The following RBBP6 variants were observed in gnomAD, a reference collection of about 807,000 sequenced individuals.
The protein encoded by RBBP6 is RB binding protein 6, ubiquitin ligase.
A neutral mutation model predicts 167.7 loss-of-function variants in RBBP6; 25 were observed. That is an observed-to-expected ratio of 0.15 (90% CI 0.11 to 0.21). RBBP6 has a LOEUF of 0.21. RBBP6 is among the 10% of genes least tolerant of loss of function. The pLI, the probability that RBBP6 is intolerant of heterozygous loss-of-function variation, is 1.00. For synonymous variants in RBBP6, 789 were observed against 735.8 expected (o/e 1.07, Z -1.17); for missense variants, 1,868 against 2,134.2 (o/e 0.88, Z 2.46).
At chr16:24,549,585 T>C (rs896667991) in intron 3 of RBBP6, among the ~76,000 whole-genome samples, 1 of 152,052 alleles carries the variant, frequency 6.6e-6, no homozygotes, top group Non-Finnish European at 1.5e-5. Flanking sequence ...CTTTATTATT[T>C]AGTCTTGCTT....
chr16:24,555,288 AT>A (rs2141464942), intron 4 of RBBP6: 1 of 179,128 alleles, frequency 5.6e-6, no homozygotes, highest in African/African-American at 2.4e-5. Flanking sequence ...CACTTGAATT[AT>A]TTTTAAAACA....
In RBBP6 at chr16:24,572,633, G is replaced by A; in HGVS notation, c.*188G>A. The A allele has an allele frequency of 1.2e-6, 1 of 803,784 alleles. No homozygotes were observed. Among genetic ancestry groups the A allele is most frequent in the Non-Finnish European group, 1.8e-6 (1 of 556,144 alleles). The allele number at this position is 803,784 out of a possible 1,614,324, so 49.8% of individuals were successfully genotyped here. Reference sequence around the variant, plus strand: ...CACGAACTTTTGTACAGAATTGTGAGTTGTGACCATGTAACATGAGAGGTT... The same window carrying A: ...CACGAACTTTTGTACAGAATTGTGAATTGTGACCATGTAACATGAGAGGTT... On this transcript the variant is annotated 3_prime_UTR_variant, in exon 18 of 18. Transcript: ENST00000319715.
chr16:24,556,281 C>G, intron 6 of RBBP6, 27 bp from the exon 7 acceptor site: 1 of 1,513,586 alleles, frequency 6.6e-7, no homozygotes, highest in Non-Finnish European at 9.1e-7. Flanking sequence ...TTCTCTTCCT[C>G]CTCCTCTTCC....
intron 3 of RBBP6, among the ~76,000 whole-genome samples, chr16:24,550,373 T>TTG (rs907400793): frequency 6.7e-6 from 1 of 149,200 alleles, no homozygotes; most frequent in African/African-American, 2.4e-5. Context: ...GTTTTTTTGT[T>TTG]TTTTTTTTTT....
intron 14 of RBBP6, among the ~76,000 whole-genome samples, chr16:24,565,228 C>A (rs1899164835): frequency 6.6e-6 from 1 of 152,142 alleles, no homozygotes; most frequent in Non-Finnish European, 1.5e-5. Context: ...AAGCTCAGCT[C>A]CCAACTGTGA....
rs1245135395 is a variant in RBBP6 at position 24,556,310 on chromosome 16, T to C, written c.537T>C (p.Asp179=). The change falls in exon 7 of 18, where the codon GAT becomes GAC. Residue 179 remains aspartate, a splice_region_variant and synonymous_variant. Transcript: ENST00000319715. ...CTCTTCCTTTTTCCTCTGAATAGGATAAAAACTTTGAATCTGGTCCTAGGA... is the reference window on the plus strand; with the variant it reads ...CTCTTCCTTTTTCCTCTGAATAGGACAAAAACTTTGAATCTGGTCCTAGGA... ...HYIKNCPTNG[D]KNFESGPRIK... The C allele has an allele frequency of 1.3e-6, 2 of 1,581,980 alleles. No individual in the cohort carries two copies. The highest frequency in any genetic ancestry group is 1.7e-6 in the Non-Finnish European group (2 of 1,152,062).
intron 11 of RBBP6, 52 bp from the exon 12 acceptor site, chr16:24,563,368 CTCT>C: frequency 6.9e-7 from 1 of 1,445,540 alleles, no homozygotes; most frequent in Non-Finnish European, 9.4e-7. Context: ...TTGTTCTTAC[CTCT>C]TTTTTTTTTT....
chr16:24,570,222 C>G lies in RBBP6; in HGVS notation c.3532C>G (p.Pro1178Ala). 1 of 1,612,694 alleles carries G rather than the reference C, an allele frequency of 6.2e-7. No homozygotes were observed. Among genetic ancestry groups the G allele is most frequent in the Non-Finnish European group, 8.5e-7 (1 of 1,179,722 alleles). ...ACTAGAAGTGACTGAAATAGTGAAA[C>G]CATCACCAAAGCGCAAAATGGAACC... ...SKLEVTEIVK[P>A]SPKRKMEPDT... Residue 1178 changes from proline to alanine, a missense_variant, in exon 17 of 18, where the codon CCA becomes GCA. By Grantham distance (27) the Pro-to-Ala change is conservative. Around this residue, in one of 7 missense-constraint regions of RBBP6, gnomAD observed 673 missense variants for 691.5 expected, o/e 0.97. Coordinates refer to ENST00000319715, the MANE Select transcript of RBBP6 (RefSeq NM_006910.5).
At chr16:24,561,242 C>T (rs1899046806) in intron 8 of RBBP6, among the ~76,000 whole-genome samples, 1 of 151,346 alleles carries the variant, frequency 6.6e-6, no homozygotes, top group African/African-American at 2.4e-5. Flanking sequence ...GCTCTCAATT[C>T]AGACATTTGT....
Position 24,555,695 on chromosome 16 carries a change from C to T in RBBP6, c.429C>T (p.Asp143=), listed in dbSNP as rs1898896271. 1 of 1,612,892 alleles carries T rather than the reference C, an allele frequency of 6.2e-7. No individual in the cohort carries two copies. Among genetic ancestry groups the T allele is most frequent in the African/African-American group, 1.3e-5 (1 of 74,850 alleles). ...AMMSQSGHEY[D]PINYMKKPLG... ...TGTCGCAATCTGGCCATGAATACGA[C>T]CCAATCAAGTAAGTTCATAAATATT... The change falls in exon 5 of 18, where the codon GAC becomes GAT. Residue 143 remains aspartate (D), a synonymous_variant. Transcript: ENST00000319715.
At chr16:24,567,015 C>G (rs1899210690) in intron 14 of RBBP6, 128 bp from the exon 15 acceptor site, 1 of 923,696 alleles carries the variant, frequency 1.1e-6, no homozygotes, top group African/African-American at 1.7e-5. Context: ...TGTTGCTACA[C>G]TAGTTGAATA....
At chr16:24,560,422 T>G (rs533747229) in intron 8 of RBBP6, among the ~76,000 whole-genome samples, 1 of 152,328 alleles carries the variant, frequency 6.6e-6, no homozygotes, top group African/African-American at 2.4e-5. Flanking sequence ...GACATATTTA[T>G]TACCCAGCAT....
rs1316704726 is a variant in RBBP6 at position 24,569,370 on chromosome 16, A to C, written c.2680A>C (p.Ile894Leu). 6.2e-7 allele frequency: 1 copy of C among 1,614,208 alleles called. No individual in the cohort carries two copies. Among genetic ancestry groups the C allele is most frequent in the Admixed American group, 1.7e-5 (1 of 60,026 alleles). Residue 894 changes from isoleucine (I) to leucine (L), a missense_variant, in exon 17 of 18, where the codon ATA becomes CTA. Physicochemically the swap from Ile to Leu is conservative, Grantham distance 5 (BLOSUM62 2). Around this residue, in one of 7 missense-constraint regions of RBBP6, gnomAD observed 673 missense variants for 691.5 expected, o/e 0.97. Coordinates refer to ENST00000319715, the MANE Select transcript of RBBP6 (RefSeq NM_006910.5). ...VGGQSHRSRN[I>L]GSNYPEKLSA... ...TGGGCAAAGTCATAGAAGTCGAAAC[A>C]TAGGTAGCAACTATCCAGAAAAGCT...
intron 13 of RBBP6, 72 bp downstream of exon 13, chr16:24,563,736 A>C: frequency 6.9e-7 from 1 of 1,455,902 alleles, no homozygotes; most frequent in Non-Finnish European, 9.5e-7. Flanking sequence ...AAACTAGGCA[A>C]ACTAGATAAT....
In RBBP6 at chr16:24,539,606, A is replaced by C. The variant is rs1898427143; in HGVS notation, c.-1021A>C. ...TCCGAAGCCAGGCCGCGTCCGCCATAGTACCTGGCTTGGAGGTGTCGCCGC... is the reference window on the plus strand; with the variant it reads ...TCCGAAGCCAGGCCGCGTCCGCCATCGTACCTGGCTTGGAGGTGTCGCCGC... On this transcript the variant is annotated 5_prime_UTR_variant, in exon 1 of 18. Coordinates refer to ENST00000319715, the MANE Select transcript of RBBP6 (RefSeq NM_006910.5). 1 of 152,002 alleles carries C rather than the reference A, an allele frequency of 6.6e-6. No individual in the cohort carries two copies. Among genetic ancestry groups the C allele is most frequent in the Non-Finnish European group, 1.5e-5 (1 of 68,024 alleles). 9.4% of individuals were successfully genotyped at this position (152,002 alleles called of 1,614,324 possible).
At position 24,556,244 on chromosome 16, in the gene RBBP6, A is replaced by G. The variant is rs1168770062; in HGVS notation, c.535-64A>G. ...TAGTAAGCACTGTATAACATTAGCT[A>G]ATTTATTAAATAAAGATAACTGCTT... is the stretch of plus-strand genomic sequence containing the variant. On this transcript the variant is annotated intron_variant, in intron 6 of 17. Transcript: ENST00000319715. The G allele has an allele frequency of 2.3e-6, 3 of 1,330,626 alleles. No individual in the cohort carries two copies. The African/African-American group carries it at 4.4e-5, about 20-fold the overall frequency. 82.4% of individuals were successfully genotyped at this position (1,330,626 alleles called of 1,614,324 possible).
At position 24,571,081 on chromosome 16, in the gene RBBP6, A is replaced by G. The variant is rs758787244; in HGVS notation, c.4015A>G (p.Ile1339Val). Residue 1339 changes from isoleucine (I) to valine (V), a missense_variant, in exon 18 of 18, where the codon ATA (isoleucine) becomes GTA (valine). Ile to Val is a conservative substitution (Grantham distance 29). Coordinates refer to ENST00000319715, the MANE Select transcript of RBBP6 (RefSeq NM_006910.5). Reference sequence around the variant, plus strand: ...AGAAGATGTTAAATCCACACAGCCTATATCAAGTGTAGGAAAACCTGCTAG... The same window carrying G: ...AGAAGATGTTAAATCCACACAGCCTGTATCAAGTGTAGGAAAACCTGCTAG... ...EEEDVKSTQP[I>V]SSVGKPASVI... 1.2e-6 allele frequency: 2 copies of G among 1,612,570 alleles called. No homozygotes were observed. Among genetic ancestry groups the G allele is most frequent in the Admixed American group, 1.7e-5 (1 of 59,942 alleles).
At chr16:24,567,744 T>C in intron 15 of RBBP6, 48 bp from the exon 16 acceptor site, 1 of 1,478,468 alleles carries the variant, frequency 6.8e-7, no homozygotes, top group Non-Finnish European at 9.3e-7. Flanking sequence ...TTGTTAGTTT[T>C]CTTAAATGGT....
intron 2 of RBBP6, among the ~76,000 whole-genome samples, chr16:24,548,567 G>A (rs1898721119): frequency 6.6e-6 from 1 of 152,094 alleles, no homozygotes; most frequent in African/African-American, 2.4e-5. Context: ...TTCCTGATGT[G>A]TGAAAATTTA....
Sources: gnomAD v4.1 joint callset for allele counts (sites outside exome capture counted in the v4.1 genomes callset) on GRCh38, gnomAD v4.1.1 for gene constraint, gnomAD v4.1.1 regional missense constraint, MANE v1.5 for transcripts, NCBI Gene and HGNC (gene_info 2026-07-23, HGNC 2026-07-21) for gene names.